ADAMTS12: variants seen among roughly 807,000 people sequenced by gnomAD.
ADAMTS12 encodes the protein ADAM metallopeptidase with thrombospondin type 1 motif 12, also known as A disintegrin and metalloproteinase with thrombospondin motifs 12.
In ADAMTS12, 118 loss-of-function variants were observed where a neutral mutation model predicts 167.8. That is an observed-to-expected ratio of 0.70 (90% CI 0.61 to 0.82). ADAMTS12 has a LOEUF of 0.82. Among genes scored for constraint, ADAMTS12 ranks in the 40% least tolerant of loss-of-function variants. ADAMTS12 has a pLI of 0.00. For missense variants in ADAMTS12, 1,916 were observed against 1,998.8 expected (o/e 0.96, Z 0.79); for synonymous variants, 704 against 716.9 (o/e 0.98, Z 0.29).
At chr5:33,705,266 G>GGTGTGTGTGT (rs70964413) in intron 3 of ADAMTS12, among the ~76,000 whole-genome samples, 29 of 144,018 alleles carry the variant, frequency 2.0e-4, no homozygotes, top group South Asian at 1.6e-3. Flanking sequence ...AGTATTCCAT[G>GGTGTGTGTGT]GTGTGTGTGT....
intron 2 of ADAMTS12, among the ~76,000 whole-genome samples, chr5:33,792,634 T>C (rs1746621563): frequency 6.6e-6 from 1 of 152,236 alleles, no homozygotes; most frequent in Non-Finnish European, 1.5e-5. Flanking sequence ...CAGCTATCTC[T>C]GACCCTGTGT....
chr5:33,722,973 A>G (rs1203277258), intron 3 of ADAMTS12, among the ~76,000 whole-genome samples: 2 of 152,200 alleles, frequency 1.3e-5, no homozygotes, highest in Non-Finnish European at 2.9e-5. Flanking sequence ...GAAGCCCAAG[A>G]AAAGCAGAGA....
chr5:33,576,131 A>G lies in ADAMTS12; in HGVS notation c.3895T>C (p.Leu1299=), dbSNP rs1449672497. ...TGCTTGTAATTGGAGGCATTTAGCA[A>G]AAAGCCCTCAGTAATCAGACTTGTT... The part of the protein sequence containing the change: ...DATSLITEGF[L]LNASNYKQLT... The change falls in exon 19 of 24, where the codon TTG becomes CTG. Residue 1299 remains leucine (L), a synonymous_variant. Coordinates refer to ENST00000504830, the MANE Select transcript of ADAMTS12 (RefSeq NM_030955.4). The G allele has an allele frequency of 6.2e-7, 1 of 1,614,190 alleles. No homozygotes were observed. Among genetic ancestry groups the G allele is most frequent in the East Asian group, 2.2e-5 (1 of 44,886 alleles).
chr5:33,543,910 G>A (rs560034275), intron 22 of ADAMTS12, among the ~76,000 whole-genome samples: 105 of 152,196 alleles, frequency 6.9e-4, no homozygotes, highest in African/African-American at 2.4e-3. Flanking sequence ...ATATTATACT[G>A]AATAGGCAAA....
intron 16 of ADAMTS12, among the ~76,000 whole-genome samples, chr5:33,597,055 C>A (rs192931292): frequency 1.1e-4 from 16 of 152,202 alleles, no homozygotes; most frequent in African/African-American, 3.6e-4. Context: ...TGTATAATAA[C>A]CCAAACCTCT....
intron 3 of ADAMTS12, among the ~76,000 whole-genome samples, chr5:33,750,445 T>C (rs1448852500): frequency 9.2e-5 from 14 of 152,214 alleles, no homozygotes; most frequent in Non-Finnish European, 1.8e-4. Context: ...TTCATTCTAT[T>C]TGCAAAGCTC....
chr5:33,680,914 G>T (rs567997351), intron 5 of ADAMTS12, among the ~76,000 whole-genome samples: 4 of 152,234 alleles, frequency 2.6e-5, no homozygotes, highest in African/African-American at 7.2e-5. Flanking sequence ...TATCTTCTCT[G>T]CTGGACATAA....
At chr5:33,567,230 A>G (rs1234650824) in intron 19 of ADAMTS12, among the ~76,000 whole-genome samples, 1 of 151,926 alleles carries the variant, frequency 6.6e-6, no homozygotes, top group Non-Finnish European at 1.5e-5. Context: ...TTTATCGCCT[A>G]CTCTTTCATA....
intron 2 of ADAMTS12, among the ~76,000 whole-genome samples, chr5:33,859,054 C>T (rs1251425775): frequency 6.6e-6 from 1 of 152,200 alleles, no homozygotes; most frequent in Non-Finnish European, 1.5e-5. Flanking sequence ...GCCACCAGGG[C>T]CCTGGATTTC....
At chr5:33,627,271 G>C (rs1332057214) in intron 13 of ADAMTS12, among the ~76,000 whole-genome samples, 5 of 150,642 alleles carry the variant, frequency 3.3e-5, no homozygotes, top group Non-Finnish European at 7.4e-5. Context: ...GGTAGAGGTA[G>C]TGGTGGTTAT....
At chr5:33,699,240 G>T (rs1386699426) in intron 3 of ADAMTS12, among the ~76,000 whole-genome samples, 1 of 151,954 alleles carries the variant, frequency 6.6e-6, no homozygotes, top group African/African-American at 2.4e-5. Context: ...ACAGAACAGA[G>T]AACTCAGAAA....
Position 33,576,476 on chromosome 5 carries a change from C to T in ADAMTS12, c.3550G>A (p.Gly1184Arg). The change falls in exon 19 of 24, where the codon GGA becomes AGA. Residue 1184 changes from glycine to arginine, a missense_variant. Physicochemically the swap from Gly to Arg is moderately radical, Grantham distance 125 (BLOSUM62 -2). Coordinates refer to ENST00000504830, the MANE Select transcript of ADAMTS12 (RefSeq NM_030955.4). ...PVIWTKIRVP[G>R]NDAPVESTEM... ...GTACTTTCCACTGGAGCGTCATTTCCAGGTACTCTGATCTTGGTCCATATT... is the reference window on the plus strand; with the variant it reads ...GTACTTTCCACTGGAGCGTCATTTCTAGGTACTCTGATCTTGGTCCATATT... 1.2e-6 allele frequency: 2 copies of T among 1,608,264 alleles called. No homozygotes were observed. Among genetic ancestry groups the T allele is most frequent in the Non-Finnish European group, 8.5e-7 (1 of 1,177,160 alleles).
chr5:33,868,273 A>C (rs1749905983), intron 2 of ADAMTS12, among the ~76,000 whole-genome samples: 1 of 152,236 alleles, frequency 6.6e-6, no homozygotes, highest in African/African-American at 2.4e-5. Flanking sequence ...TTGGAACTGG[A>C]TAACAGGCAG....
At chr5:33,637,133 A>G (rs1017471328) in intron 12 of ADAMTS12, among the ~76,000 whole-genome samples, 1 of 152,192 alleles carries the variant, frequency 6.6e-6, no homozygotes, top group Non-Finnish European at 1.5e-5. Context: ...TGCTCATGAA[A>G]GCATAAGTAG....
intron 7 of ADAMTS12, among the ~76,000 whole-genome samples, chr5:33,656,092 T>A (rs1322107569): frequency 6.6e-6 from 1 of 152,152 alleles, no homozygotes; most frequent in Non-Finnish European, 1.5e-5. Flanking sequence ...AATAGAACAA[T>A]AATAACAACA....
chr5:33,639,823 T>A (rs1740374184), intron 11 of ADAMTS12, among the ~76,000 whole-genome samples: 1 of 152,172 alleles, frequency 6.6e-6, no homozygotes, highest in South Asian at 2.1e-4. Context: ...GCCCATGAGA[T>A]TTTCTATACC....
intron 2 of ADAMTS12, among the ~76,000 whole-genome samples, chr5:33,818,661 A>T (rs1392002192): frequency 6.6e-6 from 1 of 151,826 alleles, no homozygotes; most frequent in Non-Finnish European, 1.5e-5. Context: ...ATTGTTTTCC[A>T]TTGTTTTCCA....
At chr5:33,785,498 C>G (rs1040254285) in intron 2 of ADAMTS12, among the ~76,000 whole-genome samples, 5 of 151,908 alleles carry the variant, frequency 3.3e-5, no homozygotes, top group African/African-American at 1.2e-4. Flanking sequence ...TATGCTCAAA[C>G]TCAAGACAAA....
In ADAMTS12 at chr5:33,596,848, A is replaced by G. The variant is rs529370877; in HGVS notation, c.2528-788T>C. 2.3e-3 allele frequency among the ~76,000 whole-genome samples: 354 copies of G among 152,308 alleles called. 1 individual carries two copies. The highest frequency in any genetic ancestry group is 7.7e-3 in the African/African-American group (318 of 41,566). On this transcript the variant is annotated intron_variant, in intron 16 of 23. Transcript: ENST00000504830. ...AAATACAATTTAAAATAATGTTGTG[A>G]AGTTTGAGATGTTATGTTTTTTAAA...
Sources: allele counts gnomAD v4.1 joint callset (sites outside exome capture counted in the v4.1 genomes callset), GRCh38; gene constraint gnomAD v4.1.1; transcripts MANE v1.5; gene names NCBI Gene and HGNC (gene_info 2026-07-23, HGNC 2026-07-21).